The following SPAG11B variants were observed in gnomAD, a reference collection of about 807,000 sequenced individuals.
SPAG11B encodes the protein sperm-associated antigen 11B.
Under a neutral mutation model 8.9 loss-of-function variants are expected in SPAG11B, and 5 were observed. That is an observed-to-expected ratio of 0.56 (90% CI 0.29 to 1.19). SPAG11B has a LOEUF of 1.19. Ranked by LOEUF, SPAG11B falls within the 50% of genes most tolerant of loss-of-function variation. SPAG11B has a pLI of 0.08. For synonymous variants in SPAG11B, 12 were observed against 53.0 expected (o/e 0.23, Z 3.36); for missense variants, 38 against 146.4 (o/e 0.26, Z 3.82).
Position 7,450,738 on chromosome 8 carries a change from T to A in SPAG11B, c.377A>T (p.Glu126Val). 1 of 1,593,422 alleles carries A rather than the reference T, an allele frequency of 6.3e-7. No homozygotes were observed. The highest frequency in any genetic ancestry group is 1.1e-5 in the South Asian group (1 of 89,074). Residue 126 changes from glutamate (E) to valine (V), a missense_variant, in exon 3 of 3, where the codon GAG becomes GTG. Glu to Val is a moderately radical substitution (Grantham distance 121, BLOSUM62 -2). Transcript: ENST00000398462. ...NTDEEGKEKP[E>V]MDGRSGI Reference sequence around the variant, plus strand: ...TTAGATCCCAGATCTGCCATCCATCTCTGGTTTCTCTTTTCCTTCTTCATC... The same window carrying A: ...TTAGATCCCAGATCTGCCATCCATCACTGGTTTCTCTTTTCCTTCTTCATC...
chr8:7,458,583 C>A, intron 2 of SPAG11B, among the ~76,000 whole-genome samples: 2 of 63,674 alleles, frequency 3.1e-5, no homozygotes, highest in Admixed American at 2.1e-4. Context: ...GAGAAAGTCA[C>A]ACGTTGAGAA....
chr8:7,451,660 G>A (rs1005162578), intron 2 of SPAG11B, among the ~76,000 whole-genome samples: 1 of 129,506 alleles, frequency 7.7e-6, no homozygotes, highest in African/African-American at 3.0e-5. Flanking sequence ...GAAGGTGGGG[G>A]GTCCACCTTT....
At chr8:7,453,708 A>G (rs1359702333) in intron 2 of SPAG11B, among the ~76,000 whole-genome samples, 2 of 149,358 alleles carry the variant, frequency 1.3e-5, no homozygotes, top group South Asian at 2.1e-4. Flanking sequence ...GACTTTCTGC[A>G]TGGGTGAACA....
chr8:7,459,563 A>G (rs1319791024), intron 2 of SPAG11B, among the ~76,000 whole-genome samples: 2 of 148,898 alleles, frequency 1.3e-5, no homozygotes, highest in Non-Finnish European at 3.0e-5. Context: ...CCCAGACATA[A>G]CACCTTACAA....
At chr8:7,462,483 A>G (rs1810717722) in intron 2 of SPAG11B, among the ~76,000 whole-genome samples, 1 of 151,918 alleles carries the variant, frequency 6.6e-6, no homozygotes, top group Non-Finnish European at 1.5e-5. Flanking sequence ...TGGCCCCTCA[A>G]TACTCCCACG....
intron 2 of SPAG11B, among the ~76,000 whole-genome samples, chr8:7,453,284 C>T (rs1278058335): frequency 6.9e-6 from 1 of 145,050 alleles, no homozygotes; most frequent in Non-Finnish European, 1.5e-5. Flanking sequence ...GATAAATCTG[C>T]ACATTTTGCC....
downstream of SPAG11B, among the ~76,000 whole-genome samples, chr8:7,448,760 TC>T (rs1267224084): frequency 2.6e-5 from 3 of 114,856 alleles, no homozygotes; most frequent in Non-Finnish European, 3.9e-5. Flanking sequence ...CCGCCTTCCC[TC>T]CCGTCCCTTC....
downstream of SPAG11B, among the ~76,000 whole-genome samples, chr8:7,450,273 C>T (rs1810034581): frequency 6.9e-6 from 1 of 145,130 alleles, no homozygotes; most frequent in Non-Finnish European, 1.5e-5. Flanking sequence ...GAAATGTGAC[C>T]TGTTGGTGTT....
downstream of SPAG11B, chr8:7,447,795 G>A: frequency 2.8e-6 from 1 of 355,574 alleles, no homozygotes. Context: ...CTCGCACTGA[G>A]GATCATACTC....
chr8:7,453,861 A>T (rs1314502194), intron 2 of SPAG11B, among the ~76,000 whole-genome samples: 3 of 149,472 alleles, frequency 2.0e-5, no homozygotes, highest in Non-Finnish European at 4.4e-5. Flanking sequence ...CTTTGAAGTT[A>T]AGACTTTAGG....
intron 2 of SPAG11B, among the ~76,000 whole-genome samples, chr8:7,459,157 G>T (rs1254495348): frequency 1.6e-5 from 1 of 63,552 alleles, no homozygotes; most frequent in Non-Finnish European, 2.6e-5. Flanking sequence ...GGTGGAGGTG[G>T]TGGTGAGCCA....
intron 2 of SPAG11B, among the ~76,000 whole-genome samples, chr8:7,455,958 AAGTC>A (rs1810451078): frequency 1.5e-5 from 2 of 130,958 alleles, no homozygotes; most frequent in Non-Finnish European, 1.6e-5. Flanking sequence ...GATGATGAAA[AAGTC>A]AGCTGGGGTT....
At position 7,457,047 on chromosome 8, in the gene SPAG11B, C is replaced by A. The variant is rs1338832147; in HGVS notation, c.214+5660G>T. Reference sequence around the variant, plus strand: ...CTGTTTTTTATGAATCCCAGGTAGGCTCCAAAGTCTCCCTGGGTAACATGC... The same window carrying A: ...CTGTTTTTTATGAATCCCAGGTAGGATCCAAAGTCTCCCTGGGTAACATGC... On this transcript the variant is annotated intron_variant, in intron 2 of 2. Coordinates refer to ENST00000398462, the MANE Select transcript of SPAG11B (RefSeq NM_058201.4). Among the ~76,000 whole-genome samples the A allele has an allele frequency of 4.3e-5, 4 of 93,740 alleles. 2 individuals carry two copies. Among genetic ancestry groups the A allele is most frequent in the Non-Finnish European group, 8.9e-5 (4 of 45,096 alleles). 61.5% of individuals were successfully genotyped at this position (93,740 alleles called of 152,430 possible). A position where few individuals can be genotyped will look rare whatever the true frequency, so the allele number is the denominator to read the frequency against.
chr8:7,452,925 G>A (rs571365112), intron 2 of SPAG11B, among the ~76,000 whole-genome samples: 6 of 144,784 alleles, frequency 4.1e-5, no homozygotes, highest in South Asian at 2.2e-4. Context: ...GTACAACAAC[G>A]TGGATGAACC....
intron 2 of SPAG11B, among the ~76,000 whole-genome samples, chr8:7,453,790 G>C (rs553110846): frequency 6.7e-6 from 1 of 148,444 alleles, no homozygotes; most frequent in East Asian, 2.0e-4. Context: ...GATTAAGCAG[G>C]ACAATGTGCC....
chr8:7,448,869 C>T (rs1227744021), downstream of SPAG11B, among the ~76,000 whole-genome samples: 6 of 143,606 alleles, frequency 4.2e-5, no homozygotes, highest in East Asian at 3.9e-4. Flanking sequence ...TGCTGGGCAA[C>T]GCCATAGGTA....
chr8:7,451,088 C>T, intron 2 of SPAG11B, 188 bp from the exon 3 acceptor site: 1 of 1,520,330 alleles, frequency 6.6e-7, no homozygotes, highest in Non-Finnish European at 8.9e-7. Flanking sequence ...GAAATGTTGC[C>T]AGGAGGATGA....
intron 2 of SPAG11B, among the ~76,000 whole-genome samples, chr8:7,452,912 T>C (rs1186083001): frequency 7.1e-6 from 1 of 141,210 alleles, no homozygotes; most frequent in African/African-American, 2.8e-5. Context: ...AACAAGAAGA[T>C]GTGTACAACA....
downstream of SPAG11B, among the ~76,000 whole-genome samples, chr8:7,449,625 CAA>C (rs1810002847): frequency 1.3e-5 from 2 of 149,646 alleles, no homozygotes; most frequent in African/African-American, 5.0e-5. Flanking sequence ...AGAAAAAAAA[CAA>C]GAGTGAGTTT....
Sources: gnomAD v4.1 joint callset for allele counts (sites outside exome capture counted in the v4.1 genomes callset) on GRCh38, gnomAD v4.1.1 for gene constraint, MANE v1.5 for transcripts, NCBI Gene and HGNC (gene_info 2026-07-23, HGNC 2026-07-21) for gene names.